The following ATP8A1 variants were observed in gnomAD, a reference collection of about 807,000 sequenced individuals.
The protein encoded by ATP8A1 is ATPase phospholipid transporting 8A1, also known as phospholipid-transporting ATPase IA.
Under a neutral mutation model 177.7 loss-of-function variants are expected in ATP8A1, and 90 were observed. The ratio of observed to expected loss-of-function variants is 0.51; its 90% CI spans 0.43 to 0.60. ATP8A1 has a LOEUF of 0.60. Ranked by LOEUF, ATP8A1 falls within the 20% of genes least tolerant of loss-of-function variation. The probability of loss-of-function intolerance (pLI) is 0.00; values close to 1 mark genes in which losing one functional copy is unlikely to be tolerated. For missense variants in ATP8A1, 1,072 were observed against 1,392.8 expected (o/e 0.77, Z 3.67); for synonymous variants, 493 against 485.9 (o/e 1.01, Z -0.19).
At chr4:42,450,202 A>G (rs1717780460) in intron 30 of ATP8A1, among the ~76,000 whole-genome samples, 1 of 152,204 alleles carries the variant, frequency 6.6e-6, no homozygotes, top group Admixed American at 6.5e-5. Context: ...TATTGATTCC[A>G]GCTGCAACAT....
At chr4:42,431,159 C>T (rs762864660) in intron 33 of ATP8A1, among the ~76,000 whole-genome samples, 10 of 152,064 alleles carry the variant, frequency 6.6e-5, no homozygotes, top group Non-Finnish European at 1.3e-4. Context: ...GACTAAGTTA[C>T]TAAGTTATTG....
At chr4:42,612,618 A>C (rs1736479640) in intron 5 of ATP8A1, among the ~76,000 whole-genome samples, 1 of 151,740 alleles carries the variant, frequency 6.6e-6, no homozygotes, top group Non-Finnish European at 1.5e-5. Context: ...AGGTCACTGA[A>C]TCATCAACCA....
rs554371406 is a variant in ATP8A1 at position 42,423,251 on chromosome 4, A to G, written c.3213-352T>C. ...TCTTTTCTTTCATTTTATATTTTATATATGTTTGGAATCAGGCAAGCAAAA... is the reference window on the plus strand; with the variant it reads ...TCTTTTCTTTCATTTTATATTTTATGTATGTTTGGAATCAGGCAAGCAAAA... On this transcript the variant is annotated intron_variant, in intron 34 of 36. Transcript: ENST00000381668. Among the ~76,000 whole-genome samples, 21 of 152,202 alleles carry G rather than the reference A, an allele frequency of 1.4e-4. No individual in the cohort carries two copies. In the South Asian group the frequency reaches 4.4e-3, roughly 32 times the overall value.
intron 11 of ATP8A1, 76 bp downstream of exon 11, chr4:42,579,737 A>G: frequency 1.6e-6 from 2 of 1,285,952 alleles, no homozygotes; most frequent in Admixed American, 4.7e-5. Flanking sequence ...AATACGAAAT[A>G]AAGTAAATCA....
At chr4:42,471,470 T>A (rs1018797303) in intron 25 of ATP8A1, among the ~76,000 whole-genome samples, 1 of 152,222 alleles carries the variant, frequency 6.6e-6, no homozygotes, top group African/African-American at 2.4e-5. Context: ...TTTATGTGGT[T>A]ATAGGTAAAC....
At chr4:42,568,965 T>C (rs1731627298) in intron 15 of ATP8A1, among the ~76,000 whole-genome samples, 196 bp downstream of exon 15, 1 of 152,138 alleles carries the variant, frequency 6.6e-6, no homozygotes. Context: ...AAACTACATG[T>C]TTCTCCATCA....
intron 6 of ATP8A1, among the ~76,000 whole-genome samples, chr4:42,591,223 A>C (rs3749530): frequency 0.2 from 30,176 of 151,924 alleles, 3,044 homozygotes; most frequent in Non-Finnish European, 0.21. Context: ...TTCTTTCTCA[A>C]ATTTCTCAAC....
intron 20 of ATP8A1, among the ~76,000 whole-genome samples, chr4:42,539,060 C>T (rs960272876): frequency 7.2e-5 from 11 of 152,082 alleles, no homozygotes; most frequent in African/African-American, 2.4e-4. Context: ...GTATATACCA[C>T]GGAATACTAC....
At position 42,579,854 on chromosome 4, in the gene ATP8A1, T is replaced by C. The variant is rs1390011783; in HGVS notation, c.959A>G (p.Asn320Ser). ...CCAGTCTTTTCCAGAATGCCTTCGA[T>C]TCCAAATGGCTGAGCCCACAGAACA... is the stretch of plus-strand genomic sequence containing the variant. Reference protein sequence around the residue: ...LVCSVGSAIWNRRHSGKDWYL... With the variant: ...LVCSVGSAIWSRRHSGKDWYL... Residue 320 changes from asparagine to serine, a missense_variant, in exon 11 of 37, where the codon AAT becomes AGT. Physicochemically the swap from Asn to Ser is conservative, Grantham distance 46 (BLOSUM62 1). Coordinates refer to ENST00000381668, the MANE Select transcript of ATP8A1 (RefSeq NM_006095.2). 6.2e-7 allele frequency: 1 copy of C among 1,613,794 alleles called. No homozygotes were observed. Among genetic ancestry groups the C allele is most frequent in the Admixed American group, 1.7e-5 (1 of 59,962 alleles).
chr4:42,554,082 G>A (rs913528548), intron 16 of ATP8A1, among the ~76,000 whole-genome samples: 5 of 152,282 alleles, frequency 3.3e-5, no homozygotes, highest in East Asian at 1.9e-4. Context: ...AAGAGAGAAC[G>A]CAGAGAATAG....
Position 42,616,188 on chromosome 4 carries a change from C to A in ATP8A1, c.364-110G>T. On this transcript the variant is annotated intron_variant, in intron 4 of 36. Coordinates refer to ENST00000381668, the MANE Select transcript of ATP8A1 (RefSeq NM_006095.2). ...AGCTTATGTTTCTCAAGGTTTTTAT[C>A]ATTTCTCATTCATGTCAATGTTAAA... 12 of 906,272 alleles carry A rather than the reference C, an allele frequency of 1.3e-5. No homozygotes were observed. In the South Asian group the frequency reaches 1.9e-4, roughly 15 times the overall value. The allele number at this position is 906,272 out of a possible 1,614,324, so 56.1% of individuals were successfully genotyped here. A position where few individuals can be genotyped will look rare whatever the true frequency, so the allele number is the denominator to read the frequency against.
chr4:42,560,745 C>A (rs757526136), intron 15 of ATP8A1, among the ~76,000 whole-genome samples: 4 of 151,922 alleles, frequency 2.6e-5, no homozygotes, highest in African/African-American at 9.7e-5. Context: ...CAGGGAATTT[C>A]TTTATTTAGG....
chr4:42,641,066 T>G (rs889511344), intron 1 of ATP8A1, among the ~76,000 whole-genome samples: 4 of 151,148 alleles, frequency 2.6e-5, no homozygotes, highest in Non-Finnish European at 5.9e-5. Context: ...GAGGATCCCT[T>G]ACAGTAAATG....
In ATP8A1 at chr4:42,414,646, G is replaced by A; in HGVS notation, c.3378C>T (p.Ser1126=). The A allele has an allele frequency of 6.2e-7, 1 of 1,613,850 alleles. No individual in the cohort carries two copies. Among genetic ancestry groups the A allele is most frequent in the Non-Finnish European group, 8.5e-7 (1 of 1,179,766 alleles). ...KNHVNLYRSE[S]LQQNLLHGYA... ...ACTCACGGAGCAGATTTTGTTGCAA[G>A]GATTCAGAGCGGTACAAGTTCACGT... The change falls in exon 36 of 37, where the codon TCC becomes TCT. Residue 1126 remains serine (S), a synonymous_variant. Transcript: ENST00000381668.
intron 25 of ATP8A1, among the ~76,000 whole-genome samples, chr4:42,477,271 T>G (rs1277558901): frequency 6.6e-6 from 1 of 152,170 alleles, no homozygotes; most frequent in Non-Finnish European, 1.5e-5. Context: ...TCAGAGAAAT[T>G]AAAATCAAAA....
intron 15 of ATP8A1, among the ~76,000 whole-genome samples, chr4:42,565,109 G>A (rs752736523): frequency 6.6e-6 from 1 of 152,182 alleles, no homozygotes; most frequent in African/African-American, 2.4e-5. Context: ...ACATGGGACT[G>A]TAAGTTCAAT....
intron 10 of ATP8A1, among the ~76,000 whole-genome samples, chr4:42,580,990 G>C (rs1732977489): frequency 6.6e-6 from 1 of 152,166 alleles, no homozygotes; most frequent in African/African-American, 2.4e-5. Flanking sequence ...TTTTAATGCA[G>C]ATCACTTATC....
intron 25 of ATP8A1, among the ~76,000 whole-genome samples, chr4:42,470,737 T>C (rs1361038912): frequency 1.3e-5 from 2 of 152,228 alleles, no homozygotes; most frequent in African/African-American, 4.8e-5. Flanking sequence ...CTAGTTCTCC[T>C]GAAGTGTTTT....
chr4:42,624,598 T>G lies in ATP8A1; in HGVS notation c.301A>C (p.Thr101Pro). 6.7e-7 allele frequency: 1 copy of G among 1,484,640 alleles called. No individual in the cohort carries two copies. The highest frequency in any genetic ancestry group is 2.2e-5 in the Admixed American group (1 of 45,332). The allele number at this position is 1,484,640 out of a possible 1,614,324, so 92.0% of individuals were successfully genotyped here. A position where few individuals can be genotyped will look rare whatever the true frequency, so the allele number is the denominator to read the frequency against. The change falls in exon 4 of 37, where the codon ACA becomes CCA. Residue 101 changes from threonine (T) to proline (P), a missense_variant. Coordinates refer to ENST00000381668, the MANE Select transcript of ATP8A1 (RefSeq NM_006095.2). ...PDVSPTGRYTTLVPLLFILAV... is the reference protein window; with the variant it reads ...PDVSPTGRYTPLVPLLFILAV... Reference sequence around the variant, plus strand: ...AAAATAAATAAGAGAGGAACCAGTGTTGTATAACGACCTGTTGGTGACACA... The same window carrying G: ...AAAATAAATAAGAGAGGAACCAGTGGTGTATAACGACCTGTTGGTGACACA...
Sources: gnomAD v4.1 joint callset for allele counts (sites outside exome capture counted in the v4.1 genomes callset) on GRCh38, gnomAD v4.1.1 for gene constraint, MANE v1.5 for transcripts, NCBI Gene and HGNC (gene_info 2026-07-23, HGNC 2026-07-21) for gene names.